RBFOX1: variants seen among roughly 807,000 people sequenced by gnomAD.
RBFOX1 encodes the protein RNA binding fox-1 homolog 1, also known as RNA binding protein fox-1 homolog 1.
Under a neutral mutation model 57.7 loss-of-function variants are expected in RBFOX1, and 8 were observed. The ratio of observed to expected loss-of-function variants is 0.14; its 90% confidence interval spans 0.08 to 0.25. The LOEUF is 0.25. Ranked by LOEUF, RBFOX1 falls within the 10% of genes least tolerant of loss-of-function variation. The pLI, the probability that RBFOX1 is intolerant of heterozygous loss-of-function variation, is 1.00. For synonymous variants in RBFOX1, 326 were observed against 222.4 expected (o/e 1.47, Z -4.15); for missense variants, 611 against 548.5 (o/e 1.11, Z -1.14).
intron 1 of RBFOX1, among the ~76,000 whole-genome samples, chr16:5,398,237 A>C (rs946803521): frequency 6.6e-6 from 1 of 152,008 alleles, no homozygotes; most frequent in Non-Finnish European, 1.5e-5. Context: ...ATGTGTGGAC[A>C]TGGACATGTC....
At chr16:7,318,299 G>C (rs921812866) in intron 4 of RBFOX1, among the ~76,000 whole-genome samples, 1 of 151,922 alleles carries the variant, frequency 6.6e-6, no homozygotes, top group African/African-American at 2.4e-5. Flanking sequence ...TGGTGGTAGT[G>C]CTGGTGGTGC....
At chr16:7,348,227 C>T (rs868384967) in intron 4 of RBFOX1, among the ~76,000 whole-genome samples, 14 of 152,124 alleles carry the variant, frequency 9.2e-5, no homozygotes, top group African/African-American at 3.4e-4. Flanking sequence ...AATCCGCTAC[C>T]CAAAAATGCC....
intron 2 of RBFOX1, among the ~76,000 whole-genome samples, chr16:6,417,895 C>T (rs1410881575): frequency 2.6e-5 from 4 of 151,984 alleles, no homozygotes; most frequent in African/African-American, 4.8e-5. Context: ...ACAGAACTTT[C>T]TTCTGAGAAA....
chr16:6,008,020 A>G (rs1353968073), intron 4 of RBFOX1, among the ~76,000 whole-genome samples: 1 of 152,118 alleles, frequency 6.6e-6, no homozygotes, highest in Non-Finnish European at 1.5e-5. Flanking sequence ...TTTCACCAAC[A>G]TGTTGAAACC....
chr16:5,587,141 C>T (rs56274037), intron 2 of RBFOX1, among the ~76,000 whole-genome samples: 6,782 of 152,236 alleles, frequency 0.045, 529 homozygotes, highest in African/African-American at 0.15. Context: ...GGATAAGACA[C>T]TGTTCAAAAG....
chr16:6,647,554 A>G (rs758202919), intron 2 of RBFOX1, among the ~76,000 whole-genome samples: 1 of 152,120 alleles, frequency 6.6e-6, no homozygotes, highest in Non-Finnish European at 1.5e-5. Flanking sequence ...AGCCAAGGGC[A>G]GTCATTCTTA....
At chr16:5,363,114 A>C (rs186198681) in intron 1 of RBFOX1, among the ~76,000 whole-genome samples, 41 of 144,228 alleles carry the variant, frequency 2.8e-4, no homozygotes, top group African/African-American at 9.9e-4. Context: ...GCTCACTGCA[A>C]CCTCCACCTC....
At chr16:5,700,603 G>A (rs992539974) in intron 3 of RBFOX1, among the ~76,000 whole-genome samples, 3 of 152,128 alleles carry the variant, frequency 2.0e-5, no homozygotes, top group Non-Finnish European at 4.4e-5. Flanking sequence ...GTTGGAACTC[G>A]CAGAGAAACA....
chr16:6,199,075 T>C (rs2097198879), intron 1 of RBFOX1, among the ~76,000 whole-genome samples: 1 of 152,096 alleles, frequency 6.6e-6, no homozygotes, highest in African/African-American at 2.4e-5. Flanking sequence ...CAAAGAAATA[T>C]AGCAAAAGTT....
At chr16:6,416,824 G>C (rs919851894) in intron 2 of RBFOX1, among the ~76,000 whole-genome samples, 3 of 152,152 alleles carry the variant, frequency 2.0e-5, no homozygotes, top group Non-Finnish European at 4.4e-5. Flanking sequence ...CACTGACTTA[G>C]AAACCAAATG....
At chr16:5,645,682 C>T (rs1420673408) in intron 3 of RBFOX1, among the ~76,000 whole-genome samples, 1 of 152,118 alleles carries the variant, frequency 6.6e-6, no homozygotes, top group Admixed American at 6.6e-5. Flanking sequence ...ATTTTTTGTT[C>T]ACAGACAGGA....
rs143882165 is a variant in RBFOX1 at position 6,813,331 on chromosome 16, C to G, written c.-16+158681C>G. 4.2e-3 allele frequency among the ~76,000 whole-genome samples: 633 copies of G among 152,260 alleles called. 1 individual carries two copies. Among genetic ancestry groups the G allele is most frequent in the African/African-American group, 9.1e-3 (377 of 41,554 alleles). Reference sequence around the variant, plus strand: ...CTCTTCGTTTCTAGCCTCCAGTTGACCACATTCATGTAACTGCCTTCAGAA... The same window carrying G: ...CTCTTCGTTTCTAGCCTCCAGTTGAGCACATTCATGTAACTGCCTTCAGAA... On this transcript the variant is annotated intron_variant, in intron 3 of 15. Transcript: ENST00000550418.
chr16:6,877,954 A>G (rs898872735), intron 3 of RBFOX1, among the ~76,000 whole-genome samples: 6 of 152,258 alleles, frequency 3.9e-5, no homozygotes, highest in Admixed American at 3.9e-4. Flanking sequence ...GATTAGCAAA[A>G]AGTAGGGGAT....
At chr16:5,568,313 C>A (rs1339958308) in intron 2 of RBFOX1, among the ~76,000 whole-genome samples, 1 of 152,198 alleles carries the variant, frequency 6.6e-6, no homozygotes, top group Non-Finnish European at 1.5e-5. Flanking sequence ...TGATCTCTTG[C>A]TTCACTTATA....
chr16:6,131,077 T>C (rs1215821555), intron 1 of RBFOX1, among the ~76,000 whole-genome samples: 1 of 152,212 alleles, frequency 6.6e-6, no homozygotes, highest in Non-Finnish European at 1.5e-5. Context: ...TTTCCATTTA[T>C]ATGATGCTCA....
intron 3 of RBFOX1, among the ~76,000 whole-genome samples, chr16:6,993,342 A>G (rs989614267): frequency 6.6e-6 from 1 of 152,164 alleles, no homozygotes; most frequent in African/African-American, 2.4e-5. Context: ...AGTATTAAAA[A>G]CTAACGAATA....
chr16:5,596,434 T>C (rs910796007), intron 2 of RBFOX1, among the ~76,000 whole-genome samples: 5 of 152,216 alleles, frequency 3.3e-5, no homozygotes, highest in African/African-American at 9.6e-5. Flanking sequence ...CACAATGCAG[T>C]GACCATTTCC....
chr16:6,728,027 C>T (rs572457230), intron 3 of RBFOX1, among the ~76,000 whole-genome samples: 2 of 152,292 alleles, frequency 1.3e-5, no homozygotes, highest in South Asian at 4.1e-4. Context: ...TCCATCCTCA[C>T]AGGTTTGTTT....
At chr16:6,804,173 A>G (rs1346367792) in intron 3 of RBFOX1, among the ~76,000 whole-genome samples, 1 of 151,906 alleles carries the variant, frequency 6.6e-6, no homozygotes, top group Non-Finnish European at 1.5e-5. Flanking sequence ...ATGCCCAGCT[A>G]ACTTGTTTGT....
Sources: gnomAD v4.1 joint callset for allele counts (sites outside exome capture counted in the v4.1 genomes callset) on GRCh38, gnomAD v4.1.1 for gene constraint, MANE v1.5 for transcripts, NCBI Gene and HGNC (gene_info 2026-07-23, HGNC 2026-07-21) for gene names.